Variants in CNOT1 observed in about 807,000 individuals in gnomAD.
The protein encoded by CNOT1 is CCR4-associated factor 1.
In CNOT1, 15 loss-of-function variants were observed where a neutral mutation model predicts 273.8. The observed-to-expected ratio is 0.05, with a 90% CI of 0.04 to 0.08. The LOEUF (loss-of-function observed/expected upper bound fraction) is 0.08. Among genes scored for constraint, CNOT1 ranks in the 10% least tolerant of loss-of-function variants. The pLI, the probability that CNOT1 is intolerant of heterozygous loss-of-function variation, is 1.00. For missense variants in CNOT1, 1,644 were observed against 2,912.2 expected, an observed-to-expected ratio of 0.56 and a Z score of 10.02; for synonymous variants, 1,022 against 1,005.5, an observed-to-expected ratio of 1.02 and a Z score of -0.31.
chr16:58,578,968 T>G, intron 12 of CNOT1, 29 bp from the exon 13 acceptor site: 1 of 1,606,618 alleles, frequency 6.2e-7, no homozygotes, highest in Admixed American at 1.7e-5. Context: ...ACATGCTTTA[T>G]CAATGAAAAT....
chr16:58,567,619 T>A (rs1481132116), intron 16 of CNOT1, among the ~76,000 whole-genome samples: 1 of 150,608 alleles, frequency 6.6e-6, no homozygotes, highest in Non-Finnish European at 1.5e-5. Context: ...CTCTCCTTCA[T>A]AAAAGCAACT....
intron 36 of CNOT1, 38 bp downstream of exon 36, chr16:58,538,734 A>G: frequency 6.2e-7 from 1 of 1,606,710 alleles, no homozygotes; most frequent in Non-Finnish European, 8.5e-7. Flanking sequence ...AGGCAGTCGC[A>G]GTCCAATACT....
chr16:58,539,656 G>T (rs2040027797), intron 35 of CNOT1, 112 bp downstream of exon 35: 3 of 1,125,282 alleles, frequency 2.7e-6, no homozygotes, highest in African/African-American at 1.6e-5. Context: ...TACAGAACTT[G>T]ATTTATATTA....
intron 16 of CNOT1, among the ~76,000 whole-genome samples, chr16:58,560,902 G>T (rs558448925): frequency 2.2e-4 from 33 of 152,292 alleles, no homozygotes; most frequent in Middle Eastern, 3.4e-3. Flanking sequence ...GCGCATGCCT[G>T]TAGTCCCAGC....
intron 1 of CNOT1, among the ~76,000 whole-genome samples, chr16:58,601,126 T>C (rs1369948606): frequency 6.6e-6 from 1 of 152,190 alleles, no homozygotes; most frequent in Non-Finnish European, 1.5e-5. Flanking sequence ...AGCTAATTTG[T>C]TGTGTTTTTA....
At chr16:58,555,179 G>C (rs1290613996) in intron 21 of CNOT1, 72 bp downstream of exon 21, 2 of 1,563,796 alleles carry the variant, frequency 1.3e-6, no homozygotes, top group African/African-American at 1.4e-5. Context: ...CTGCACTCCA[G>C]CCTGGATGAG....
At chr16:58,629,533 G>GA (rs913194860) in intron 1 of CNOT1, among the ~76,000 whole-genome samples, 195 bp downstream of exon 1, 2 of 152,102 alleles carry the variant, frequency 1.3e-5, no homozygotes, top group African/African-American at 4.8e-5. Flanking sequence ...CGAAGCCTCC[G>GA]AGAGCCGTGT....
intron 16 of CNOT1, among the ~76,000 whole-genome samples, chr16:58,563,440 T>C (rs991219694): frequency 6.6e-6 from 1 of 152,088 alleles, no homozygotes; most frequent in African/African-American, 2.4e-5. Flanking sequence ...ATGACACATA[T>C]CTCAGAAATG....
rs937747096 is a variant in CNOT1 at position 58,616,002 on chromosome 16, G to C, written c.-175+13726C>G. ...CTAGAGAGGCTGAAGGGGGAGGACTGTCTGAGCCCAAGTGAGCTATGATCA... is the reference window on the plus strand; with the variant it reads ...CTAGAGAGGCTGAAGGGGGAGGACTCTCTGAGCCCAAGTGAGCTATGATCA... On this transcript the variant is annotated intron_variant, in intron 1 of 48. Transcript: ENST00000317147. 1.6e-5 allele frequency among the ~76,000 whole-genome samples: 2 copies of C among 122,544 alleles called. 1 individual carries two copies. Among genetic ancestry groups the C allele is most frequent in the African/African-American group, 5.5e-5 (2 of 36,392 alleles). 80.4% of individuals were successfully genotyped at this position (122,544 alleles called of 152,430 possible). A position where few individuals can be genotyped will look rare whatever the true frequency, so the allele number is the denominator to read the frequency against.
At chr16:58,525,478 ACTTG>A in intron 45 of CNOT1, 119 bp from the exon 46 acceptor site, 1 of 802,428 alleles carries the variant, frequency 1.2e-6, no homozygotes, top group Non-Finnish European at 1.9e-6. Flanking sequence ...ATTGTGATTC[ACTTG>A]CTTGAATTTG....
chr16:58,560,485 T>C, intron 16 of CNOT1, 123 bp from the exon 17 acceptor site: 1 of 1,446,522 alleles, frequency 6.9e-7, no homozygotes, highest in Admixed American at 2.7e-5. Flanking sequence ...CAGACTGGAG[T>C]GCAGTAGCAC....
chr16:58,521,513 C>T (rs1029227235), intron 47 of CNOT1, among the ~76,000 whole-genome samples, 196 bp from the exon 48 acceptor site: 4 of 152,094 alleles, frequency 2.6e-5, no homozygotes, highest in Admixed American at 1.3e-4. Flanking sequence ...TGCTCTTAGC[C>T]GTAGAAGACT....
chr16:58,556,219 T>C (rs954810461), intron 19 of CNOT1, among the ~76,000 whole-genome samples: 4 of 152,240 alleles, frequency 2.6e-5, no homozygotes, highest in African/African-American at 9.6e-5. Flanking sequence ...CAAATCTTTA[T>C]CACTTTATAA....
At chr16:58,561,154 C>T (rs543824756) in intron 16 of CNOT1, among the ~76,000 whole-genome samples, 5 of 152,316 alleles carry the variant, frequency 3.3e-5, no homozygotes, top group African/African-American at 1.2e-4. Flanking sequence ...CACAGCACTT[C>T]AGCCTGGGTA....
chr16:58,529,545 G>A (rs1005991466), intron 43 of CNOT1, among the ~76,000 whole-genome samples: 2 of 152,152 alleles, frequency 1.3e-5, no homozygotes, highest in African/African-American at 4.8e-5. Flanking sequence ...TCATTAAGAA[G>A]TCATCAAGGA....
chr16:58,543,078 GTGAGACCC>G, intron 31 of CNOT1: 1 of 1,212,570 alleles, frequency 8.2e-7, no homozygotes, highest in Non-Finnish European at 1.0e-6. Flanking sequence ...AAGCTACAGA[GTGAGACCC>G]TGTCTCATGA....
intron 1 of CNOT1, among the ~76,000 whole-genome samples, chr16:58,618,794 T>C (rs1209017162): frequency 6.6e-6 from 1 of 152,218 alleles, no homozygotes; most frequent in Non-Finnish European, 1.5e-5. Context: ...GCTTTTTATA[T>C]ACACATATTA....
chr16:58,588,352 G>C (rs550242461), intron 3 of CNOT1, among the ~76,000 whole-genome samples: 1 of 151,788 alleles, frequency 6.6e-6, no homozygotes, highest in African/African-American at 2.4e-5. Context: ...TATAAAAATA[G>C]AGTTTTTTAA....
At chr16:58,542,594 TGG>T in intron 31 of CNOT1, 26 bp from the exon 32 acceptor site, 1 of 42,168 alleles carries the variant, frequency 2.4e-5, no homozygotes, top group Non-Finnish European at 3.6e-5. Flanking sequence ...GGTGGGGGGG[TGG>T]GGGGAATAGA....
Sources: allele counts gnomAD v4.1 joint callset (sites outside exome capture counted in the v4.1 genomes callset), GRCh38; gene constraint gnomAD v4.1.1; transcripts MANE v1.5; gene names NCBI Gene and HGNC (gene_info 2026-07-23, HGNC 2026-07-21).